The following GPI variants were observed in gnomAD, a reference collection of about 807,000 sequenced individuals.
GPI encodes glucose-6-phosphate isomerase.
A neutral mutation model predicts 75.8 loss-of-function variants in GPI; 56 were observed. That is an observed-to-expected ratio of 0.74 (90% CI 0.60 to 0.92). The LOEUF (loss-of-function observed/expected upper bound fraction) is 0.92, where lower values mean the gene tolerates loss of function less well. Among genes scored for constraint, GPI ranks in the 40% least tolerant of loss-of-function variants. GPI has a pLI of 0.00. For missense variants in GPI, 638 were observed against 741.0 expected (o/e 0.86, Z 1.61); for synonymous variants, 288 against 285.4 (o/e 1.01, Z -0.09).
chr19:34,377,322 A>T (rs2074555239), intron 4 of GPI, among the ~76,000 whole-genome samples, 181 bp from the exon 5 acceptor site: 7 of 94,844 alleles, frequency 7.4e-5, no homozygotes, highest in African/African-American at 3.8e-4. Context: ...AAAAAAAAAA[A>T]AAAAAAAAAA....
chr19:34,400,117 C>T lies in GPI; in HGVS notation c.*81C>T. On this transcript the variant is annotated 3_prime_UTR_variant, in exon 18 of 18. Transcript: ENST00000356487. The stretch of plus-strand genomic sequence containing the variant: ...TCCCCGGAGCCGGCACTGCATGTTC[C>T]TGGACACCACCCAGAGCACCCTCTG... The T allele has an allele frequency of 6.9e-7, 1 of 1,439,700 alleles. No individual in the cohort carries two copies. Among genetic ancestry groups the T allele is most frequent in the Non-Finnish European group, 9.7e-7 (1 of 1,035,748 alleles). 89.2% of individuals were successfully genotyped at this position (1,439,700 alleles called of 1,614,324 possible). A position where few individuals can be genotyped will look rare whatever the true frequency, so the allele number is the denominator to read the frequency against.
chr19:34,379,985 G>GTTTTTTTTTTTTTTTTTTTTTTTTTTTTT (rs1356302354), intron 8 of GPI: 1 of 127,574 alleles, frequency 7.8e-6, no homozygotes, highest in African/African-American at 4.0e-5. Context: ...AGTGTGTGTG[G>GTTTTTTTTTTTTTTTTTTTTTTTTTTTTT]TTTTGTTTTT....
At chr19:34,388,199 A>G (rs989042444) in intron 9 of GPI, among the ~76,000 whole-genome samples, 10 of 152,222 alleles carry the variant, frequency 6.6e-5, no homozygotes, top group African/African-American at 2.4e-4. Flanking sequence ...GAAAGTTGCC[A>G]GGCGCAGTGG....
chr19:34,390,268 G>A (rs1355440950), intron 9 of GPI, among the ~76,000 whole-genome samples: 1 of 145,518 alleles, frequency 6.9e-6, no homozygotes, highest in Non-Finnish European at 1.5e-5. Context: ...GTTCAAGCAG[G>A]TGGGCTGGGG....
In GPI at chr19:34,377,684, A is replaced by G. The variant is rs1381777033; in HGVS notation, c.487-51A>G. ...CCAGGGATGGGACCTGGCTGTCTCC[A>G]CTTTTCGTGGGCCCTGAATTCTTAT... On this transcript the variant is annotated intron_variant, in intron 5 of 17. Transcript: ENST00000356487. The G allele has an allele frequency of 3.1e-6, 5 of 1,607,352 alleles. No homozygotes were observed. The African/African-American group carries it at 4.0e-5, about 13-fold the overall frequency.
At position 34,366,817 on chromosome 19, in the gene GPI, G is replaced by A. The variant is rs777898740; in HGVS notation, c.248G>A (p.Arg83Gln). The A allele has an allele frequency of 1.7e-5, 28 of 1,613,754 alleles. No individual in the cohort carries two copies. The highest frequency in any genetic ancestry group is 1.7e-4 in the Middle Eastern group (1 of 5,912). ...AGGGGCGTGGAGGCCGCCCGGGAGC[G>A]GATGTTCAATGGTGAGAAGATCAAC... ...KSRGVEAARERMFNGEKINYT... is the reference protein window; with the variant it reads ...KSRGVEAAREQMFNGEKINYT... Residue 83 changes from arginine to glutamine, a missense_variant, in exon 3 of 18, where the codon CGG becomes CAG. By Grantham distance (43) the Arg-to-Gln change is conservative. Transcript: ENST00000356487.
chr19:34,360,584 C>T (rs1054359139), upstream of GPI, among the ~76,000 whole-genome samples: 6 of 152,090 alleles, frequency 3.9e-5, no homozygotes, highest in East Asian at 1.9e-4. Flanking sequence ...GGTGACAGAG[C>T]GAGACACTGT....
rs761224640 is a variant in GPI at position 34,399,640 on chromosome 19, G to A, written c.1474+9G>A. 5 of 1,613,968 alleles carry A rather than the reference G, an allele frequency of 3.1e-6. No individual in the cohort carries two copies. In the South Asian group the frequency reaches 5.5e-5, roughly 18 times the overall value. On this transcript the variant is annotated intron_variant, in intron 16 of 17. Coordinates refer to ENST00000356487, the MANE Select transcript of GPI (RefSeq NM_000175.5). ...GCTTGGAGCCTTGGTCGGTGAGTGAGTAGGGGAAAGGTCCTGGCTTGGGGT... is the reference window on the plus strand; with the variant it reads ...GCTTGGAGCCTTGGTCGGTGAGTGAATAGGGGAAAGGTCCTGGCTTGGGGT...
intron 9 of GPI, among the ~76,000 whole-genome samples, chr19:34,387,869 C>T (rs1425079124): frequency 2.0e-5 from 3 of 152,094 alleles, no homozygotes; most frequent in Non-Finnish European, 4.4e-5. Flanking sequence ...TGAGGCTGGC[C>T]AGGCCTGGGG....
upstream of GPI, among the ~76,000 whole-genome samples, chr19:34,361,381 C>T (rs1275398419): frequency 1.3e-5 from 2 of 152,040 alleles, no homozygotes; most frequent in Non-Finnish European, 1.5e-5. Context: ...CGTGAGCCAC[C>T]GTGCCCGGCC....
At position 34,394,076 on chromosome 19, in the gene GPI, G is replaced by T; in HGVS notation, c.1062+10G>T. On this transcript the variant is annotated intron_variant, in intron 12 of 17. Transcript: ENST00000356487. ...TGCGTACTTCCAGCAGGTACCAGCT[G>T]CCAAGCCAGGCCTTGGAGTCAGCAA... is the stretch of plus-strand genomic sequence containing the variant. The T allele has an allele frequency of 6.2e-7, 1 of 1,605,722 alleles. No homozygotes were observed.
chr19:34,363,574 CA>C, upstream of GPI, among the ~76,000 whole-genome samples: 1 of 152,292 alleles, frequency 6.6e-6, no homozygotes, highest in South Asian at 2.1e-4. Flanking sequence ...GTAATCCCAG[CA>C]CTTTGGGAGG....
intron 4 of GPI, among the ~76,000 whole-genome samples, chr19:34,369,340 AG>A (rs1037150262): frequency 6.6e-6 from 1 of 152,026 alleles, no homozygotes; most frequent in Admixed American, 6.6e-5. Flanking sequence ...CCTGGCCGGA[AG>A]GAGCTTTTTC....
In GPI at chr19:34,402,218, T is replaced by C. The variant is rs2075032554; in HGVS notation, c.*2182T>C. On this transcript the variant is annotated 3_prime_UTR_variant, in exon 18 of 18. Transcript: ENST00000356487. The stretch of plus-strand genomic sequence containing the variant: ...ATCCCACTGAGGCCAGAGAATAGGG[T>C]CTGGAGACAAAGGAGCATTCACTTC... The C allele has an allele frequency of 6.6e-6, 1 of 151,738 alleles. No homozygotes were observed. Among genetic ancestry groups the C allele is most frequent in the Non-Finnish European group, 1.5e-5 (1 of 67,950 alleles). The allele number at this position is 151,738 out of a possible 1,614,324, so 9.4% of individuals were successfully genotyped here.
Position 34,378,984 on chromosome 19 carries a change from G to A in GPI, c.684G>A (p.Trp228Ter). 6.2e-7 allele frequency: 1 copy of A among 1,614,210 alleles called. No individual in the cohort carries two copies. Among genetic ancestry groups the A allele is most frequent in the South Asian group, 1.1e-5 (1 of 91,086 alleles). ...TITNAETAKE[W>*]FLQAAKDPSA... ...CGAATGCAGAGACGGCGAAGGAGTG[G>A]TTTCTCCAGGCGGCCAAGGATGTGA... The change falls in exon 7 of 18, where the codon TGG (tryptophan) becomes TGA (stop). Residue 228 changes from tryptophan (W) to a stop codon, truncating the protein, a stop_gained. Transcript: ENST00000356487. LOFTEE classifies it high-confidence loss of function.
intron 9 of GPI, among the ~76,000 whole-genome samples, chr19:34,386,751 C>T (rs1291412942): frequency 1.3e-5 from 2 of 152,150 alleles, no homozygotes; most frequent in Non-Finnish European, 2.9e-5. Flanking sequence ...GACTTTGTAG[C>T]TAGAGAGACA....
intron 4 of GPI, among the ~76,000 whole-genome samples, chr19:34,375,112 G>A (rs1489791360): frequency 2.7e-5 from 4 of 149,178 alleles, no homozygotes; most frequent in Non-Finnish European, 5.9e-5. Flanking sequence ...TATAACAAAT[G>A]ACATCAAAAC....
At position 34,377,749 on chromosome 19, in the gene GPI, G is replaced by A. The variant is rs771272966; in HGVS notation, c.501G>A (p.Val167=). 2 of 1,613,928 alleles carry A rather than the reference G, an allele frequency of 1.2e-6. No homozygotes were observed. The highest frequency in any genetic ancestry group is 2.7e-5 in the African/African-American group (2 of 74,894). ...IGGSDLGPLM[V]TEALKPYSSG... ...TCTCCCCGCAGGGACCCCTCATGGT[G>A]ACTGAAGCCCTTAAGCCATACTCTT... Residue 167 remains valine, a synonymous_variant, in exon 6 of 18, where the codon GTG becomes GTA. Transcript: ENST00000356487.
In GPI at chr19:34,368,597, G is replaced by A. The variant is rs1215757056; in HGVS notation, c.297G>A (p.Leu99=). ...GTAATCCCCAGGGTCGAGCCGTGCT[G>A]CACGTGGCTCTGCGGAACCGGTCAA... ...KINYTEGRAV[L]HVALRNRSNT... Residue 99 remains leucine (L), a synonymous_variant, in exon 4 of 18, where the codon CTG becomes CTA. Coordinates refer to ENST00000356487, the MANE Select transcript of GPI (RefSeq NM_000175.5). 1.9e-6 allele frequency: 3 copies of A among 1,614,162 alleles called. No homozygotes were observed. The highest frequency in any genetic ancestry group is 2.2e-5 in the East Asian group (1 of 44,886).
Sources: allele counts gnomAD v4.1 joint callset (sites outside exome capture counted in the v4.1 genomes callset), GRCh38; gene constraint gnomAD v4.1.1; transcripts MANE v1.5; gene names NCBI Gene and HGNC (gene_info 2026-07-23, HGNC 2026-07-21).